The following TRAM2 variants were observed in gnomAD, a reference collection of about 807,000 sequenced individuals.
The protein encoded by TRAM2 is translocation associated membrane protein 2.
A neutral mutation model predicts 51.0 loss-of-function variants in TRAM2; 12 were observed. The observed-to-expected ratio is 0.24, with a 90% CI of 0.15 to 0.38. TRAM2 has a LOEUF of 0.38. Among genes scored for constraint, TRAM2 ranks in the 10% least tolerant of loss-of-function variants. The probability of loss-of-function intolerance (pLI) is 1.00; values close to 1 mark genes in which losing one functional copy is unlikely to be tolerated. For missense variants in TRAM2, 361 were observed against 462.0 expected (o/e 0.78, Z 2.00); for synonymous variants, 175 against 179.4 (o/e 0.98, Z 0.20).
chr6:52,520,526 T>A (rs1766652678), intron 2 of TRAM2, among the ~76,000 whole-genome samples: 1 of 152,252 alleles, frequency 6.6e-6, no homozygotes, highest in Non-Finnish European at 1.5e-5. Flanking sequence ...GCGGATGGAT[T>A]CTCAAGTTCC....
intron 1 of TRAM2, among the ~76,000 whole-genome samples, chr6:52,541,203 C>T (rs147922703): frequency 2.1e-3 from 314 of 152,312 alleles, no homozygotes; most frequent in Non-Finnish European, 3.6e-3. Flanking sequence ...TTTCACCTCT[C>T]TAGACCCCAG....
intron 2 of TRAM2, among the ~76,000 whole-genome samples, chr6:52,521,902 A>G (rs1234584724): frequency 6.6e-6 from 1 of 152,188 alleles, no homozygotes; most frequent in Non-Finnish European, 1.5e-5. Flanking sequence ...TAAGTCCAGC[A>G]CATCTCTGGC....
At chr6:52,543,151 A>G (rs200264171) in intron 1 of TRAM2, among the ~76,000 whole-genome samples, 1 of 129,126 alleles carries the variant, frequency 7.7e-6, no homozygotes, top group African/African-American at 2.8e-5. Context: ...TGAGAGCCTT[A>G]ATATATATAT....
At chr6:52,543,833 C>A (rs1767148320) in intron 1 of TRAM2, among the ~76,000 whole-genome samples, 1 of 152,220 alleles carries the variant, frequency 6.6e-6, no homozygotes, top group Non-Finnish European at 1.5e-5. Flanking sequence ...GAACTTCTGG[C>A]ATTTCCTGGT....
At chr6:52,544,724 A>G (rs566344823) in intron 1 of TRAM2, among the ~76,000 whole-genome samples, 1 of 152,224 alleles carries the variant, frequency 6.6e-6, no homozygotes, top group African/African-American at 2.4e-5. Flanking sequence ...CAGCACTCAA[A>G]TGTCTCTGTT....
intron 2 of TRAM2, among the ~76,000 whole-genome samples, chr6:52,521,871 T>C (rs1021597987): frequency 1.3e-5 from 2 of 152,196 alleles, no homozygotes; most frequent in East Asian, 1.9e-4. Context: ...GGCAATAATC[T>C]ATTCTATTTT....
At chr6:52,543,849 G>A (rs1562484669) in intron 1 of TRAM2, among the ~76,000 whole-genome samples, 1 of 152,152 alleles carries the variant, frequency 6.6e-6, no homozygotes, top group African/African-American at 2.4e-5. Context: ...CTGGTATTCA[G>A]GGAAATAAAA....
chr6:52,547,742 G>T (rs1472304615), intron 1 of TRAM2, among the ~76,000 whole-genome samples: 2 of 152,238 alleles, frequency 1.3e-5, no homozygotes, highest in African/African-American at 4.8e-5. Context: ...GGGTGCCAAA[G>T]GGGTGGAGGG....
At chr6:52,519,007 C>G (rs1314572177) in intron 2 of TRAM2, among the ~76,000 whole-genome samples, 2 of 152,174 alleles carry the variant, frequency 1.3e-5, no homozygotes, top group Non-Finnish European at 2.9e-5. Flanking sequence ...ATACCAAATA[C>G]TAGGGTTCCA....
At chr6:52,510,778 T>TG (rs1293582780) in intron 4 of TRAM2, among the ~76,000 whole-genome samples, 4 of 152,208 alleles carry the variant, frequency 2.6e-5, no homozygotes, top group African/African-American at 9.6e-5. Context: ...AATAGTGTGG[T>TG]GGGCCAGTGA....
intron 1 of TRAM2, among the ~76,000 whole-genome samples, chr6:52,540,680 A>C (rs1019594774): frequency 1.3e-5 from 2 of 152,244 alleles, no homozygotes; most frequent in African/African-American, 4.8e-5. Context: ...CGCAAGCACC[A>C]GCTGAGTTCC....
chr6:52,521,750 A>T (rs1269189691), intron 2 of TRAM2, among the ~76,000 whole-genome samples: 4 of 151,860 alleles, frequency 2.6e-5, no homozygotes, highest in Admixed American at 6.5e-5. Context: ...ATAAAATAAA[A>T]TAAAATAAAA....
chr6:52,541,988 A>G (rs1767091724), intron 1 of TRAM2, among the ~76,000 whole-genome samples: 1 of 151,990 alleles, frequency 6.6e-6, no homozygotes, highest in African/African-American at 2.4e-5. Context: ...AGAGACACAT[A>G]TGTCCCACGA....
chr6:52,573,147 G>A (rs1179421957), intron 1 of TRAM2, among the ~76,000 whole-genome samples: 1 of 152,080 alleles, frequency 6.6e-6, no homozygotes, highest in Non-Finnish European at 1.5e-5. Context: ...TCTCTTCGGT[G>A]CACCCCCTTT....
chr6:52,537,316 T>C (rs944797265), intron 1 of TRAM2, among the ~76,000 whole-genome samples: 2 of 152,246 alleles, frequency 1.3e-5, no homozygotes, highest in African/African-American at 4.8e-5. Flanking sequence ...CTTATTACCT[T>C]TGGTCAAGAC....
intron 1 of TRAM2, among the ~76,000 whole-genome samples, chr6:52,551,196 A>G (rs1316100704): frequency 1.1e-4 from 17 of 152,180 alleles, no homozygotes; most frequent in Non-Finnish European, 2.9e-5. Flanking sequence ...AGTGACAAAT[A>G]TGAGTCCTGG....
At chr6:52,543,672 T>A (rs892049327) in intron 1 of TRAM2, among the ~76,000 whole-genome samples, 8 of 152,320 alleles carry the variant, frequency 5.3e-5, no homozygotes, top group Non-Finnish European at 1.0e-4. Flanking sequence ...TCATTTCAGC[T>A]GTAGTTTTTA....
chr6:52,542,276 TAA>T (rs66882373), intron 1 of TRAM2, among the ~76,000 whole-genome samples: 4,058 of 147,754 alleles, frequency 0.027, 65 homozygotes, highest in Admixed American at 0.038. Context: ...TTTTTTTTTT[TAA>T]AAAAAATAGT....
At chr6:52,539,766 G>T (rs1581885433) in intron 1 of TRAM2, among the ~76,000 whole-genome samples, 1 of 152,242 alleles carries the variant, frequency 6.6e-6, no homozygotes, top group East Asian at 1.9e-4. Context: ...GACTAAGCAG[G>T]AGAGAGTCGG....
Sources: gnomAD v4.1 joint callset for allele counts (sites outside exome capture counted in the v4.1 genomes callset) on GRCh38, gnomAD v4.1.1 for gene constraint, MANE v1.5 for transcripts, NCBI Gene and HGNC (gene_info 2026-07-23, HGNC 2026-07-21) for gene names.